JAZF1: variants seen among roughly 807,000 people sequenced by gnomAD.
JAZF1 encodes the protein JAZF zinc finger 1, also known as juxtaposed with another zinc finger protein 1.
Under a neutral mutation model 26.4 loss-of-function variants are expected in JAZF1, and 8 were observed. The ratio of observed to expected loss-of-function variants is 0.30; its 90% confidence interval spans 0.18 to 0.55. The LOEUF (loss-of-function observed/expected upper bound fraction) is 0.55. Ranked by LOEUF, JAZF1 falls within the 20% of genes least tolerant of loss-of-function variation. The pLI is 0.94. For missense variants in JAZF1, 199 were observed against 322.0 expected (o/e 0.62, Z 2.92); for synonymous variants, 126 against 122.3 (o/e 1.03, Z -0.20).
At chr7:27,864,255 C>G (rs763525837) in intron 3 of JAZF1, among the ~76,000 whole-genome samples, 5 of 148,786 alleles carry the variant, frequency 3.4e-5, no homozygotes, top group Non-Finnish European at 7.4e-5. Flanking sequence ...TTCAAATCAA[C>G]ATCTTCTAAA....
chr7:28,167,018 T>G (rs144888696), intron 1 of JAZF1, among the ~76,000 whole-genome samples: 12 of 152,124 alleles, frequency 7.9e-5, no homozygotes, highest in African/African-American at 2.7e-4. Context: ...TCACCATGGA[T>G]GCAAAAAAAA....
At chr7:28,029,573 G>A (rs1276647103) in intron 1 of JAZF1, among the ~76,000 whole-genome samples, 1 of 152,214 alleles carries the variant, frequency 6.6e-6, no homozygotes, top group Non-Finnish European at 1.5e-5. Context: ...CCTATGTAGA[G>A]AATGAAAGGC....
In JAZF1 at chr7:27,917,528, C is replaced by T. The variant is rs146664841; in HGVS notation, c.189-22112G>A. Among the ~76,000 whole-genome samples the T allele has an allele frequency of 4.7e-3, 722 of 152,270 alleles. 10 individuals are homozygous for T. Among genetic ancestry groups the T allele is most frequent in the African/African-American group, 0.015 (631 of 41,536 alleles). ...CCTGATGCTGTTGGTTTGAGAACCACGGAGTTTAGACAATTTAAGATTTAC... is the reference window on the plus strand; with the variant it reads ...CCTGATGCTGTTGGTTTGAGAACCATGGAGTTTAGACAATTTAAGATTTAC... On this transcript the variant is annotated intron_variant, in intron 2 of 4. Coordinates refer to ENST00000283928, the MANE Select transcript of JAZF1 (RefSeq NM_175061.4).
rs539655517 is a variant in JAZF1, at chr7:28,150,180, G to T, written c.115+30283C>A. Reference sequence around the variant, plus strand: ...GGAGGCAGGTCCAGAAAGCTTCGGGGGGCAGGGTACTGCTTCAGGGAATTT... The same window carrying T: ...GGAGGCAGGTCCAGAAAGCTTCGGGTGGCAGGGTACTGCTTCAGGGAATTT... On this transcript the variant is annotated intron_variant, in intron 1 of 4. Transcript: ENST00000283928. Among the ~76,000 whole-genome samples, 21 of 152,272 alleles carry T rather than the reference G, an allele frequency of 1.4e-4. 1 individual carries two copies. The South Asian group carries it at 4.1e-3, about 30-fold the overall frequency.
At position 27,907,301 on chromosome 7, in the gene JAZF1, T is replaced by A. The variant is rs567966009; in HGVS notation, c.189-11885A>T. 5.3e-5 allele frequency among the ~76,000 whole-genome samples: 8 copies of A among 152,346 alleles called. No individual in the cohort carries two copies. The East Asian group carries it at 9.6e-4, about 18-fold the overall frequency. ...TGCATGAAAAGCCCTTGGCTCCACA[T>A]AATACTCAATATATGTTAGGAGACC... On this transcript the variant is annotated intron_variant, in intron 2 of 4. Transcript: ENST00000283928.
intron 2 of JAZF1, 141 bp downstream of exon 2, chr7:27,991,768 A>T: frequency 1.7e-6 from 1 of 594,228 alleles, no homozygotes. Context: ...AGAGCATTCC[A>T]TATACAGGTT....
intron 2 of JAZF1, among the ~76,000 whole-genome samples, chr7:27,982,353 C>A (rs1405160101): frequency 1.3e-5 from 2 of 152,254 alleles, no homozygotes; most frequent in African/African-American, 4.8e-5. Context: ...TCACTCACTG[C>A]TAGCACAGCC....
intron 1 of JAZF1, among the ~76,000 whole-genome samples, chr7:28,166,792 T>G (rs545236311): frequency 6.6e-6 from 1 of 152,320 alleles, no homozygotes; most frequent in South Asian, 2.1e-4. Flanking sequence ...GTGGAATGTT[T>G]TAACAGCTCA....
intron 2 of JAZF1, among the ~76,000 whole-genome samples, chr7:27,935,258 ACGG>A (rs1306419381): frequency 6.6e-6 from 1 of 152,246 alleles, no homozygotes; most frequent in Non-Finnish European, 1.5e-5. Flanking sequence ...GGAATGTTAA[ACGG>A]TGCAGCTGCT....
intron 3 of JAZF1, among the ~76,000 whole-genome samples, chr7:27,882,672 G>C (rs992347107): frequency 6.6e-6 from 1 of 152,134 alleles, no homozygotes; most frequent in African/African-American, 2.4e-5. Context: ...TTTTCTGCAG[G>C]TTCTTTAATG....
intron 1 of JAZF1, among the ~76,000 whole-genome samples, chr7:28,130,129 A>G (rs1412084142): frequency 2.6e-5 from 4 of 152,220 alleles, no homozygotes; most frequent in Non-Finnish European, 5.9e-5. Context: ...GTTTATTAGT[A>G]ATCTTTACTA....
chr7:27,945,422 G>A (rs1784911849), intron 2 of JAZF1, among the ~76,000 whole-genome samples: 1 of 152,136 alleles, frequency 6.6e-6, no homozygotes, highest in South Asian at 2.1e-4. Flanking sequence ...GGCCAGCAGG[G>A]TCCTCTGCAC....
chr7:28,004,567 C>T (rs1209043423), intron 1 of JAZF1, among the ~76,000 whole-genome samples: 2 of 152,158 alleles, frequency 1.3e-5, no homozygotes, highest in Non-Finnish European at 2.9e-5. Context: ...TCCCACCCTT[C>T]CAAACTAAAA....
chr7:27,958,907 G>T (rs1258093612), intron 2 of JAZF1, among the ~76,000 whole-genome samples: 3 of 152,158 alleles, frequency 2.0e-5, no homozygotes, highest in Non-Finnish European at 2.9e-5. Flanking sequence ...ATAGAAATTA[G>T]AGTAGTACTA....
At position 27,834,880 on chromosome 7, in the gene JAZF1, G is replaced by A. The variant is rs117699386; in HGVS notation, c.556-1904C>T. On this transcript the variant is annotated intron_variant, in intron 4 of 4. Coordinates refer to ENST00000283928, the MANE Select transcript of JAZF1 (RefSeq NM_175061.4). ...AATTGTTTTAAGCCATGTATTGTGTGTGTGAGAGAGACAGAAAGAGAGTGA... is the reference window on the plus strand; with the variant it reads ...AATTGTTTTAAGCCATGTATTGTGTATGTGAGAGAGACAGAAAGAGAGTGA... Among the ~76,000 whole-genome samples the A allele has an allele frequency of 2.6e-5, 4 of 152,338 alleles. No individual in the cohort carries two copies. In the East Asian group the frequency reaches 5.8e-4, roughly 22 times the overall value.
intron 1 of JAZF1, among the ~76,000 whole-genome samples, chr7:28,129,730 A>T (rs1347427142): frequency 1.3e-5 from 2 of 152,222 alleles, no homozygotes; most frequent in Non-Finnish European, 2.9e-5. Flanking sequence ...CATTATAAAA[A>T]ATTTAAAAAA....
intron 2 of JAZF1, among the ~76,000 whole-genome samples, chr7:27,986,176 C>T (rs992763933): frequency 1.3e-5 from 2 of 152,106 alleles, no homozygotes; most frequent in Non-Finnish European, 2.9e-5. Context: ...TCAAATTGTC[C>T]CTGTTTGCAG....
intron 1 of JAZF1, among the ~76,000 whole-genome samples, chr7:28,136,763 C>G (rs914673476): frequency 2.0e-5 from 3 of 152,124 alleles, no homozygotes; most frequent in African/African-American, 7.2e-5. Context: ...CAATTCTGAC[C>G]TAAGTACTAA....
chr7:27,878,895 A>G (rs1259188925), intron 3 of JAZF1, among the ~76,000 whole-genome samples: 1 of 152,210 alleles, frequency 6.6e-6, no homozygotes, highest in Admixed American at 6.5e-5. Context: ...AATGGTTTGC[A>G]GCTTCCCCAT....
Sources: gnomAD v4.1 joint callset for allele counts (sites outside exome capture counted in the v4.1 genomes callset) on GRCh38, gnomAD v4.1.1 for gene constraint, MANE v1.5 for transcripts, NCBI Gene and HGNC (gene_info 2026-07-23, HGNC 2026-07-21) for gene names.